Variants in MAGI1 observed in about 807,000 individuals in gnomAD.
MAGI1 encodes membrane-associated guanylate kinase, WW and PDZ domain-containing protein 1.
In MAGI1, 58 loss-of-function variants were observed where a neutral mutation model predicts 139.9. That is an observed-to-expected ratio of 0.41 (90% CI 0.34 to 0.52). MAGI1 has a LOEUF of 0.52. Among genes scored for constraint, MAGI1 ranks in the 20% least tolerant of loss-of-function variants. The pLI, the probability that MAGI1 is intolerant of heterozygous loss-of-function variation, is 0.12. For synonymous variants in MAGI1, 812 were observed against 737.9 expected (o/e 1.10, Z -1.63); for missense variants, 1,874 against 1,901.6 (o/e 0.99, Z 0.27).
At chr3:65,743,315 T>C (rs1351644637) in intron 1 of MAGI1, among the ~76,000 whole-genome samples, 2 of 152,230 alleles carry the variant, frequency 1.3e-5, no homozygotes, top group Non-Finnish European at 2.9e-5. Context: ...TCTAGAAGAT[T>C]CCTAAGTGTT....
At chr3:65,409,336 T>C (rs1156321633) in intron 12 of MAGI1, among the ~76,000 whole-genome samples, 1 of 151,974 alleles carries the variant, frequency 6.6e-6, no homozygotes, top group Non-Finnish European at 1.5e-5. Context: ...GGAAGAGAAA[T>C]CTAATCCGAT....
At chr3:65,379,660 G>A in intron 16 of MAGI1, 106 bp from the exon 17 acceptor site, 36 of 1,508,726 alleles carry the variant, frequency 2.4e-5, no homozygotes, top group Non-Finnish European at 3.1e-5. Context: ...AACGTGAACC[G>A]AGGGGAGGAG....
intron 5 of MAGI1, chr3:65,469,888 T>C (rs1055699794): frequency 1.8e-4 from 25 of 140,196 alleles, no homozygotes; most frequent in East Asian, 1.8e-3. Context: ...AAAAAAGCAA[T>C]ATATTTATTT....
At chr3:65,973,093 T>C (rs985507283) in intron 1 of MAGI1, among the ~76,000 whole-genome samples, 1 of 152,020 alleles carries the variant, frequency 6.6e-6, no homozygotes, top group Non-Finnish European at 1.5e-5. Context: ...GAGGCTGCAG[T>C]GAGCTATGAT....
At chr3:65,368,173 AAAG>A (rs1941619438) in intron 18 of MAGI1, among the ~76,000 whole-genome samples, 2 of 152,328 alleles carry the variant, frequency 1.3e-5, no homozygotes, top group East Asian at 3.9e-4. Context: ...AAAAAATATA[AAAG>A]AAGGGCCTGA....
At chr3:65,660,849 C>T (rs1415315018) in intron 1 of MAGI1, among the ~76,000 whole-genome samples, 1 of 152,134 alleles carries the variant, frequency 6.6e-6, no homozygotes, top group African/African-American at 2.4e-5. Flanking sequence ...GGACCCATAT[C>T]CATAATGCCA....
intron 18 of MAGI1, among the ~76,000 whole-genome samples, chr3:65,365,942 T>C (rs1045991095): frequency 3.3e-5 from 5 of 152,348 alleles, no homozygotes; most frequent in African/African-American, 4.8e-5. Context: ...CCCAACTACC[T>C]GTGGTCTATC....
intron 1 of MAGI1, among the ~76,000 whole-genome samples, chr3:65,884,775 C>G (rs1245626345): frequency 2.6e-5 from 4 of 152,110 alleles, no homozygotes; most frequent in African/African-American, 9.7e-5. Context: ...GGCCCAGTGT[C>G]TGCTGTTCAA....
At chr3:65,523,290 T>A (rs1013694388) in intron 2 of MAGI1, among the ~76,000 whole-genome samples, 3 of 152,200 alleles carry the variant, frequency 2.0e-5, no homozygotes, top group Non-Finnish European at 4.4e-5. Flanking sequence ...GAATGTTTCA[T>A]GAGGCCATGC....
In MAGI1 at chr3:65,994,693, C is replaced by T. The variant is rs149534457; in HGVS notation, c.313+43303G>A. ...CCATCTGGGGTCCCAGCTAGAATGGCTCAGACAGCTGGGTGCTGGCTCAAA... is the reference window on the plus strand; with the variant it reads ...CCATCTGGGGTCCCAGCTAGAATGGTTCAGACAGCTGGGTGCTGGCTCAAA... On this transcript the variant is annotated intron_variant, in intron 1 of 22. Coordinates refer to ENST00000402939, the MANE Select transcript of MAGI1 (RefSeq NM_001033057.2). Among the ~76,000 whole-genome samples, 270 of 152,308 alleles carry T rather than the reference C, an allele frequency of 1.8e-3. 3 individuals carry two copies. Among genetic ancestry groups the T allele is most frequent in the African/African-American group, 6.1e-3 (255 of 41,568 alleles).
At chr3:65,672,531 C>T (rs944259770) in intron 1 of MAGI1, among the ~76,000 whole-genome samples, 2 of 151,952 alleles carry the variant, frequency 1.3e-5, no homozygotes, top group Non-Finnish European at 1.5e-5. Flanking sequence ...TTTGAAAGTG[C>T]CTGGGGTTGT....
At chr3:65,364,289 T>C (rs1941190718) in intron 20 of MAGI1, among the ~76,000 whole-genome samples, 1 of 152,120 alleles carries the variant, frequency 6.6e-6, no homozygotes, top group Non-Finnish European at 1.5e-5. Flanking sequence ...GACAGGCATT[T>C]TGCTCTATGG....
intron 2 of MAGI1, among the ~76,000 whole-genome samples, chr3:65,595,205 T>G (rs1156961771): frequency 6.6e-6 from 1 of 152,198 alleles, no homozygotes; most frequent in Non-Finnish European, 1.5e-5. Context: ...ATCAGAAGCC[T>G]TTGCTAGATG....
At chr3:66,037,780 C>A (rs959329627) in intron 1 of MAGI1, among the ~76,000 whole-genome samples, 2 of 152,198 alleles carry the variant, frequency 1.3e-5, no homozygotes, top group Non-Finnish European at 2.9e-5. Context: ...CCCCCCGCTA[C>A]CTTGCGCAAA....
At chr3:65,856,901 C>T (rs974398823) in intron 1 of MAGI1, among the ~76,000 whole-genome samples, 6 of 152,182 alleles carry the variant, frequency 3.9e-5, no homozygotes, top group Non-Finnish European at 8.8e-5. Context: ...ACTCAAATCG[C>T]CCATGGATCC....
At chr3:65,631,009 G>A (rs149462745) in intron 1 of MAGI1, among the ~76,000 whole-genome samples, 14 of 152,350 alleles carry the variant, frequency 9.2e-5, no homozygotes, top group Non-Finnish European at 1.5e-4. Flanking sequence ...AAATATCAAC[G>A]TTTCTTTTGC....
chr3:65,959,406 C>T (rs971236291), intron 1 of MAGI1, among the ~76,000 whole-genome samples: 4 of 152,052 alleles, frequency 2.6e-5, no homozygotes, highest in Admixed American at 6.5e-5. Context: ...TTCCCCAGGG[C>T]AAGGCACTAT....
intron 2 of MAGI1, among the ~76,000 whole-genome samples, chr3:65,556,245 A>C (rs571678691): frequency 2.2e-4 from 34 of 152,364 alleles, no homozygotes; most frequent in Non-Finnish European, 4.0e-4. Context: ...TCTCTGATGT[A>C]CTTTTCCAGA....
intron 1 of MAGI1, among the ~76,000 whole-genome samples, chr3:65,804,925 C>A (rs1408397529): frequency 6.6e-6 from 1 of 152,094 alleles, no homozygotes; most frequent in East Asian, 1.9e-4. Context: ...ACACCTTATA[C>A]AAAAATTAAC....
Sources: gnomAD v4.1 joint callset for allele counts (sites outside exome capture counted in the v4.1 genomes callset) on GRCh38, gnomAD v4.1.1 for gene constraint, MANE v1.5 for transcripts, NCBI Gene and HGNC (gene_info 2026-07-23, HGNC 2026-07-21) for gene names.